ZNF793: variants seen among roughly 807,000 people sequenced by gnomAD.
ZNF793 encodes the protein zinc finger protein 793.
A neutral mutation model predicts 12.4 loss-of-function variants in ZNF793; 5 were observed. The ratio of observed to expected loss-of-function variants is 0.40; its 90% confidence interval spans 0.21 to 0.84. The LOEUF is 0.84. Ranked by LOEUF, ZNF793 falls within the 40% of genes least tolerant of loss-of-function variation. The probability of loss-of-function intolerance (pLI) is 0.35; values close to 1 mark genes in which losing one functional copy is unlikely to be tolerated. For missense variants in ZNF793, 456 were observed against 495.0 expected, an observed-to-expected ratio of 0.92 and a Z score of 0.75; for synonymous variants, 162 against 172.4, an observed-to-expected ratio of 0.94 and a Z score of 0.47.
intron 2 of ZNF793, among the ~76,000 whole-genome samples, chr19:37,518,389 A>T (rs2042349476): frequency 6.6e-6 from 1 of 152,052 alleles, no homozygotes; most frequent in Non-Finnish European, 1.5e-5. Context: ...GGCCTCCCAA[A>T]GTGCTGGCAT....
At position 37,533,423 on chromosome 19, in the gene ZNF793, C is replaced by G. The variant is rs776391620; in HGVS notation, c.238+20C>G. The G allele has an allele frequency of 6.2e-7, 1 of 1,606,560 alleles. No individual in the cohort carries two copies. The highest frequency in any genetic ancestry group is 1.1e-5 in the South Asian group (1 of 90,882). ...GTTGGGGTAAGTGTGATAAATCTAG[C>G]AAAAGGGGTACTGAAGGAGGCTGGC... On this transcript the variant is annotated intron_variant, in intron 7 of 7. Transcript: ENST00000627814.
chr19:37,527,856 C>A (rs987662452), intron 5 of ZNF793, among the ~76,000 whole-genome samples: 1 of 152,186 alleles, frequency 6.6e-6, no homozygotes, highest in African/African-American at 2.4e-5. Flanking sequence ...CAGTGGCTCA[C>A]GCCTGTAATC....
At chr19:37,527,870 G>A (rs1219877521) in intron 5 of ZNF793, among the ~76,000 whole-genome samples, 1 of 152,026 alleles carries the variant, frequency 6.6e-6, no homozygotes, top group African/African-American at 2.4e-5. Flanking sequence ...TGTAATCCCA[G>A]CACTTTGAGA....
At chr19:37,532,829 A>G (rs1382783183) in intron 6 of ZNF793, among the ~76,000 whole-genome samples, 1 of 152,176 alleles carries the variant, frequency 6.6e-6, no homozygotes, top group Non-Finnish European at 1.5e-5. Flanking sequence ...AAAAATAAAA[A>G]ATAAAAAAAA....
rs539026200 is a variant in ZNF793, at chr19:37,530,730, G to T, written c.16-1626G>T. Among the ~76,000 whole-genome samples, 62 of 152,178 alleles carry T rather than the reference G, an allele frequency of 4.1e-4. 1 individual carries two copies. The highest frequency in any genetic ancestry group is 1.2e-3 in the African/African-American group (49 of 41,518). On this transcript the variant is annotated intron_variant, in intron 5 of 7. Transcript: ENST00000627814. ...GTCTCCTATGTCTACTTCTTTCTAC[G>T]CAGACACAGTAACAATCTGATCTCT...
At chr19:37,524,283 TTA>T (rs1340339321) in intron 5 of ZNF793, among the ~76,000 whole-genome samples, 3 of 152,056 alleles carry the variant, frequency 2.0e-5, no homozygotes, top group African/African-American at 7.2e-5. Flanking sequence ...AACCAACATG[TTA>T]TCTTTATTTT....
intron 5 of ZNF793, among the ~76,000 whole-genome samples, chr19:37,527,180 C>G (rs920360893): frequency 6.6e-6 from 1 of 152,170 alleles, no homozygotes; most frequent in Non-Finnish European, 1.5e-5. Context: ...AACTCCTGAC[C>G]TCAGGTGATC....
At position 37,532,394 on chromosome 19, in the gene ZNF793, C is replaced by T. The variant is rs761571022; in HGVS notation, c.54C>T (p.Thr18=). Residue 18 remains threonine, a synonymous_variant, in exon 6 of 8, where the codon ACC becomes ACT. Transcript: ENST00000627814. ...TCAAAGATGTGGTTGTGGGCTTCAC[C>T]CAAGAGGAGTGGCACCGGCTGAGTC... ...VSFKDVVVGF[T]QEEWHRLSPA... 1.2e-5 allele frequency: 20 copies of T among 1,614,092 alleles called. No homozygotes were observed. In the East Asian group the frequency reaches 2.0e-4, roughly 16 times the overall value.
Position 37,523,398 on chromosome 19 carries a change from A to C in ZNF793, c.-30-12A>C. ...TCTCTTTCTCCATCTTCTTCCCCCC[A>C]CATGTCTACAGGTGTCAGATCTTTT... is the stretch of plus-strand genomic sequence containing the variant. On this transcript the variant is annotated splice_polypyrimidine_tract_variant and intron_variant, in intron 4 of 7. Transcript: ENST00000627814. The C allele has an allele frequency of 6.2e-7, 1 of 1,606,700 alleles. No individual in the cohort carries two copies. The highest frequency in any genetic ancestry group is 1.1e-5 in the South Asian group (1 of 90,920).
At position 37,540,831 on chromosome 19, in the gene ZNF793, T is replaced by G. The variant is rs2042547342; in HGVS notation, c.*2952T>G. ...TCCATACTGACAAGAAAACATAATT[T>G]ATATGTACTTCTTTTGGAATTACAC... is the stretch of plus-strand genomic sequence containing the variant. On this transcript the variant is annotated 3_prime_UTR_variant, in exon 8 of 8. Coordinates refer to ENST00000627814, the MANE Select transcript of ZNF793 (RefSeq NM_001013659.3). 1 of 152,034 alleles carries G rather than the reference T, an allele frequency of 6.6e-6. No individual in the cohort carries two copies. The highest frequency in any genetic ancestry group is 1.5e-5 in the Non-Finnish European group (1 of 67,978). 9.4% of individuals were successfully genotyped at this position (152,034 alleles called of 1,614,324 possible).
intron 5 of ZNF793, among the ~76,000 whole-genome samples, chr19:37,524,217 A>G (rs1012607794): frequency 1.3e-5 from 2 of 151,338 alleles, no homozygotes; most frequent in Middle Eastern, 3.5e-3. Context: ...TAAGCCTGCA[A>G]GAGCCTCCTT....
At chr19:37,526,588 A>T (rs1647206359) in intron 5 of ZNF793, among the ~76,000 whole-genome samples, 1 of 152,156 alleles carries the variant, frequency 6.6e-6, no homozygotes, top group African/African-American at 2.4e-5. Flanking sequence ...GGCATCAGGG[A>T]GGGTGTTTGC....
chr19:37,524,057 G>A (rs1272188935), intron 5 of ZNF793, among the ~76,000 whole-genome samples: 1 of 151,766 alleles, frequency 6.6e-6, no homozygotes, highest in Non-Finnish European at 1.5e-5. Context: ...GGCTGAGGCA[G>A]GAGAATTGCT....
chr19:37,517,081 C>G (rs1441593501), intron 2 of ZNF793, among the ~76,000 whole-genome samples: 1 of 152,142 alleles, frequency 6.6e-6, no homozygotes, highest in Admixed American at 6.5e-5. Context: ...TTCCTTACTT[C>G]ATCAGGATAG....
In ZNF793 at chr19:37,532,393, C is replaced by A. The variant is rs773848778; in HGVS notation, c.53C>A (p.Thr18Asn). Residue 18 changes from threonine to asparagine, a missense_variant, in exon 6 of 8, where the codon ACC becomes AAC. By Grantham distance (65) the Thr-to-Asn change is moderately conservative. Transcript: ENST00000627814. Reference protein sequence around the residue: ...VSFKDVVVGFTQEEWHRLSPA... With the variant: ...VSFKDVVVGFNQEEWHRLSPA... ...TTCAAAGATGTGGTTGTGGGCTTCACCCAAGAGGAGTGGCACCGGCTGAGT... is the reference window on the plus strand; with the variant it reads ...TTCAAAGATGTGGTTGTGGGCTTCAACCAAGAGGAGTGGCACCGGCTGAGT... The A allele has an allele frequency of 6.2e-7, 1 of 1,614,102 alleles. No individual in the cohort carries two copies. Among genetic ancestry groups the A allele is most frequent in the South Asian group, 1.1e-5 (1 of 91,064 alleles).
rs1198866720 is a variant in ZNF793 at position 37,537,377 on chromosome 19, C to G, written c.719C>G (p.Ser240Cys). Residue 240 changes from serine to cysteine, a missense_variant, in exon 8 of 8, where the codon TCT becomes TGT. Physicochemically the swap from Ser to Cys is moderately radical, Grantham distance 112 (BLOSUM62 -1). Coordinates refer to ENST00000627814, the MANE Select transcript of ZNF793 (RefSeq NM_001013659.3). ...SECGKAFCYK[S>C]EFIRHQRSHT... ...TGTGGGAAAGCCTTCTGCTACAAGT[C>G]TGAATTCATTAGGCATCAGAGAAGT... is the stretch of plus-strand genomic sequence containing the variant. 6.2e-7 allele frequency: 1 copy of G among 1,612,866 alleles called. No homozygotes were observed. Among genetic ancestry groups the G allele is most frequent in the Non-Finnish European group, 8.5e-7 (1 of 1,179,412 alleles).
At chr19:37,522,030 T>C (rs549881329) in intron 3 of ZNF793, among the ~76,000 whole-genome samples, 11 of 152,278 alleles carry the variant, frequency 7.2e-5, no homozygotes, top group Non-Finnish European at 1.6e-4. Flanking sequence ...CTTTTTTTTA[T>C]GTAACCAGTA....
intron 2 of ZNF793, among the ~76,000 whole-genome samples, chr19:37,519,054 C>T (rs1216517282): frequency 6.6e-6 from 1 of 152,118 alleles, no homozygotes; most frequent in African/African-American, 2.4e-5. Flanking sequence ...ATCACGAGGT[C>T]AGGAGATTGA....
chr19:37,525,088 C>T (rs2042403219), intron 5 of ZNF793, among the ~76,000 whole-genome samples: 1 of 151,938 alleles, frequency 6.6e-6, no homozygotes, highest in African/African-American at 2.4e-5. Flanking sequence ...GGAAATGCTG[C>T]ATGTCAGTGA....
Sources: allele counts gnomAD v4.1 joint callset (sites outside exome capture counted in the v4.1 genomes callset), GRCh38; gene constraint gnomAD v4.1.1; transcripts MANE v1.5; gene names NCBI Gene and HGNC (gene_info 2026-07-23, HGNC 2026-07-21).